The following FUT8 variants were observed in gnomAD, a reference collection of about 807,000 sequenced individuals.
FUT8 encodes alpha-(1,6)-fucosyltransferase.
In FUT8, 29 loss-of-function variants were observed where a neutral mutation model predicts 71.3. The ratio of observed to expected loss-of-function variants is 0.41; its 90% CI spans 0.30 to 0.55. FUT8 has a LOEUF of 0.55. FUT8 is among the 20% of genes least tolerant of loss of function. FUT8 has a pLI of 0.34. For synonymous variants in FUT8, 254 were observed against 239.3 expected, an observed-to-expected ratio of 1.06 and a Z score of -0.57; for missense variants, 544 against 702.1, an observed-to-expected ratio of 0.77 and a Z score of 2.55.
At chr14:65,469,739 A>G (rs1427362809) in intron 2 of FUT8, among the ~76,000 whole-genome samples, 2 of 152,082 alleles carry the variant, frequency 1.3e-5, no homozygotes, top group African/African-American at 2.4e-5. Context: ...TTGACTTCCC[A>G]GCTCTCAGCA....
At position 65,568,500 on chromosome 14, in the gene FUT8, T is replaced by G. The variant is rs1031517122; in HGVS notation, c.203+6734T>G. Among the ~76,000 whole-genome samples, 5 of 151,868 alleles carry G rather than the reference T, an allele frequency of 3.3e-5. No individual in the cohort carries two copies. The East Asian group carries it at 9.6e-4, about 29-fold the overall frequency. On this transcript the variant is annotated intron_variant, in intron 3 of 10. Transcript: ENST00000673929. ...TATTTTTGTCATTAATTTAAAATACTTTAAAATTTGTATTGTGATTTTTTT... is the reference window on the plus strand; with the variant it reads ...TATTTTTGTCATTAATTTAAAATACGTTAAAATTTGTATTGTGATTTTTTT...
chr14:65,433,571 T>C (rs2065508703), intron 1 of FUT8, among the ~76,000 whole-genome samples: 1 of 152,262 alleles, frequency 6.6e-6, no homozygotes, highest in Non-Finnish European at 1.5e-5. Context: ...CATATATCTT[T>C]ATTACCTAGC....
At chr14:65,742,011 C>T in intron 10 of FUT8, 82 bp from the exon 11 acceptor site, 1 of 1,129,204 alleles carries the variant, frequency 8.9e-7, no homozygotes, top group Non-Finnish European at 1.3e-6. Flanking sequence ...TCCTAGAGCC[C>T]ATCCTTTTGG....
the FUT8 span, among the ~76,000 whole-genome samples, chr14:65,393,266 G>A: frequency 0.48 from 72,420 of 151,894 alleles, 17,529 homozygotes; most frequent in South Asian, 0.54. Context: ...ATAATATATA[G>A]GATGGAAATT....
At chr14:65,587,048 G>A (rs184377877) in intron 3 of FUT8, among the ~76,000 whole-genome samples, 2 of 152,242 alleles carry the variant, frequency 1.3e-5, no homozygotes, top group South Asian at 2.1e-4. Flanking sequence ...AGTCAGCCGG[G>A]CATGGTGGCA....
chr14:65,523,453 C>G (rs932260857), intron 2 of FUT8, among the ~76,000 whole-genome samples: 2 of 151,890 alleles, frequency 1.3e-5, no homozygotes, highest in Admixed American at 6.6e-5. Flanking sequence ...TGTTTAAGTT[C>G]TTTGTAGATT....
intron 3 of FUT8, among the ~76,000 whole-genome samples, chr14:65,565,722 A>G (rs183625750): frequency 9.1e-4 from 138 of 152,000 alleles, no homozygotes; most frequent in Non-Finnish European, 1.8e-3. Flanking sequence ...ATATAATACT[A>G]TCTCATTGAG....
intron 2 of FUT8, among the ~76,000 whole-genome samples, chr14:65,502,378 C>A (rs565212062): frequency 3.9e-5 from 6 of 152,090 alleles, no homozygotes; most frequent in African/African-American, 1.2e-4. Context: ...GCACCCACCA[C>A]CATGCCTGGC....
intron 6 of FUT8, among the ~76,000 whole-genome samples, chr14:65,632,415 A>G (rs1450304806): frequency 6.6e-6 from 1 of 152,206 alleles, no homozygotes; most frequent in African/African-American, 2.4e-5. Context: ...GATAATAGCC[A>G]TTCTTGCAGG....
In FUT8 at chr14:65,669,431, A is replaced by T. The variant is rs754840692; in HGVS notation, c.786A>T (p.Val262=). Residue 262 remains valine (V), a synonymous_variant, in exon 7 of 11, where the codon GTA becomes GTT. Transcript: ENST00000673929. This position sits in a 1 kb window ranked among gnomAD's most constrained non-coding sequence, Gnocchi z 4.5. The part of the protein sequence containing the change: ...TGGWETVFRP[V]SETCTDRSGI... The stretch of plus-strand genomic sequence containing the variant: ...GATGGGAGACTGTATTTAGGCCTGT[A>T]AGTGAGACATGCACAGACAGATCTG... The T allele has an allele frequency of 6.2e-7, 1 of 1,613,626 alleles. No individual in the cohort carries two copies. Among genetic ancestry groups the T allele is most frequent in the Non-Finnish European group, 8.5e-7 (1 of 1,179,778 alleles).
chr14:65,492,298 G>A (rs1016408328), intron 2 of FUT8, among the ~76,000 whole-genome samples: 1 of 152,120 alleles, frequency 6.6e-6, no homozygotes, highest in African/African-American at 2.4e-5. Context: ...AAAGGTTTTT[G>A]AGCTATAACA....
rs529674936 is a variant in FUT8 at position 65,633,822 on chromosome 14, G to A, written c.597+4216G>A. ...TGAGAAGTGAGGAGCGTCTCCGCCC[G>A]GCAGCCACCCTGTCCGGGAGGGAGG... On this transcript the variant is annotated intron_variant, in intron 6 of 10. Transcript: ENST00000673929. 6.8e-3 allele frequency among the ~76,000 whole-genome samples: 1,038 copies of A among 152,192 alleles called. 10 individuals are homozygous for A. The highest frequency in any genetic ancestry group is 0.023 in the African/African-American group (971 of 41,520).
chr14:65,634,668 C>G (rs1189814488), intron 6 of FUT8, among the ~76,000 whole-genome samples: 1 of 151,248 alleles, frequency 6.6e-6, no homozygotes, highest in East Asian at 1.9e-4. Context: ...TCTGAGTTCT[C>G]TATTCTGTTG....
intron 5 of FUT8, among the ~76,000 whole-genome samples, chr14:65,626,462 T>A (rs1390397994): frequency 3.9e-5 from 6 of 152,188 alleles, no homozygotes; most frequent in Non-Finnish European, 8.8e-5. Flanking sequence ...GACACATTAT[T>A]GTGCTCTGGA....
intron 7 of FUT8, among the ~76,000 whole-genome samples, chr14:65,675,147 T>G (rs1245333173): frequency 6.6e-6 from 1 of 152,208 alleles, no homozygotes; most frequent in African/African-American, 2.4e-5. Flanking sequence ...CTATGGTATC[T>G]CATTAAAATC....
chr14:65,454,341 T>C (rs1003449427), intron 1 of FUT8, among the ~76,000 whole-genome samples: 4 of 152,140 alleles, frequency 2.6e-5, no homozygotes, highest in South Asian at 2.1e-4. Flanking sequence ...TAAAGCATTA[T>C]ACAGGCTGGG....
chr14:65,550,658 A>G lies in FUT8; in HGVS notation c.-227-10679A>G, dbSNP rs1420494649. ...TTTATTGTAGTTTTCTTTTTTCAAC[A>G]TTTTCATTTTTTCTTTTAAATCCTA... On this transcript the variant is annotated intron_variant, in intron 2 of 10. Transcript: ENST00000673929. This position sits in a 1 kb window ranked among gnomAD's most constrained non-coding sequence, Gnocchi z 4.5. Among the ~76,000 whole-genome samples, 2 of 151,844 alleles carry G rather than the reference A, an allele frequency of 1.3e-5. No individual in the cohort carries two copies. The highest frequency in any genetic ancestry group is 2.4e-5 in the African/African-American group (1 of 41,336).
intron 6 of FUT8, among the ~76,000 whole-genome samples, chr14:65,664,817 A>C (rs1383245783): frequency 6.6e-6 from 1 of 152,114 alleles, no homozygotes; most frequent in Non-Finnish European, 1.5e-5. Flanking sequence ...TGTAGGATAA[A>C]AGCTTCTGTT....
chr14:65,547,932 T>G (rs1885066033), intron 2 of FUT8, among the ~76,000 whole-genome samples: 1 of 151,958 alleles, frequency 6.6e-6, no homozygotes, highest in Non-Finnish European at 1.5e-5. Context: ...CCTGCCCTGT[T>G]CCAAGATTCA....
Sources: allele counts gnomAD v4.1 joint callset (sites outside exome capture counted in the v4.1 genomes callset), GRCh38; gene constraint gnomAD v4.1.1; non-coding constraint Gnocchi (gnomAD v3.1); transcripts MANE v1.5; gene names NCBI Gene and HGNC (gene_info 2026-07-23, HGNC 2026-07-21).